The following PCDHA12 variants were observed in gnomAD, a reference collection of about 807,000 sequenced individuals.
PCDHA12 encodes the protein protocadherin alpha-12.
In PCDHA12, 44 loss-of-function variants were observed where a neutral mutation model predicts 60.0. That is an observed-to-expected ratio of 0.73 (90% confidence interval 0.58 to 0.94). PCDHA12 has a LOEUF of 0.94. PCDHA12 is among the 40% of genes least tolerant of loss of function. The pLI is 0.00. For missense variants in PCDHA12, 1,276 were observed against 1,239.7 expected (o/e 1.03, Z -0.44); for synonymous variants, 569 against 553.0 (o/e 1.03, Z -0.40).
chr5:140,883,467 CCTACAAGAA>C (rs1554178369), intron 1 of PCDHA12: 1 of 1,614,170 alleles, frequency 6.2e-7, no homozygotes, highest in East Asian at 2.2e-5. Flanking sequence ...CTGGTGTCCA[CCTACAAGAA>C]CTACTACTCA....
At chr5:141,007,638 T>G (rs1393056593) in intron 3 of PCDHA12, among the ~76,000 whole-genome samples, 7 of 152,128 alleles carry the variant, frequency 4.6e-5, no homozygotes, top group African/African-American at 1.7e-4. Context: ...GCCCTCCCTG[T>G]ATTTGCCTAA....
In PCDHA12 at chr5:141,009,679, C is replaced by T; in HGVS notation, c.2568C>T (p.Asn856=). 1.2e-6 allele frequency: 2 copies of T among 1,614,116 alleles called. No individual in the cohort carries two copies. The highest frequency in any genetic ancestry group is 8.5e-7 in the Non-Finnish European group (1 of 1,180,026). The part of the protein sequence containing the change: ...SPPVGAGVNS[N]SWTFKYGPGN... ...CAGTCGGTGCGGGTGTCAACAGCAA[C>T]AGCTGGACCTTTAAATACGGACCAG... The change falls in exon 4 of 4, where the codon AAC becomes AAT. Residue 856 remains asparagine (N), a synonymous_variant. Coordinates refer to ENST00000398631, the MANE Select transcript of PCDHA12 (RefSeq NM_018903.4).
intron 1 of PCDHA12, among the ~76,000 whole-genome samples, chr5:140,951,626 C>T (rs1182328214): frequency 3.3e-5 from 5 of 152,062 alleles, no homozygotes; most frequent in African/African-American, 4.8e-5. Context: ...AAGGGGGAAA[C>T]CTGCCCCATG....
intron 1 of PCDHA12, among the ~76,000 whole-genome samples, chr5:140,886,582 C>A (rs1304608793): frequency 6.6e-6 from 1 of 151,938 alleles, no homozygotes; most frequent in African/African-American, 2.4e-5. Flanking sequence ...AATCCCAGCA[C>A]TTTGGGAGGC....
intron 1 of PCDHA12, among the ~76,000 whole-genome samples, chr5:140,920,841 T>TA (rs781921146): frequency 0.047 from 5,179 of 109,134 alleles, 120 homozygotes; most frequent in African/African-American, 0.092. Flanking sequence ...AGACCAAATC[T>TA]AAAAAAAAAA....
At chr5:140,938,796 C>T (rs563991147) in intron 1 of PCDHA12, among the ~76,000 whole-genome samples, 4 of 152,138 alleles carry the variant, frequency 2.6e-5, no homozygotes, top group East Asian at 3.9e-4. Context: ...ATGAAATAAT[C>T]GGTACCACAA....
rs527413028 is a variant in PCDHA12, at chr5:140,920,520, G to A, written c.2367+42681G>A. Among the ~76,000 whole-genome samples, 10 of 152,176 alleles carry A rather than the reference G, an allele frequency of 6.6e-5. No homozygotes were observed. In the South Asian group the frequency reaches 1.7e-3, roughly 25 times the overall value. ...TTCTACATACTGTTTTATGCAATTCGTTAGACTCAGGTTTTCTATTTCACC... is the reference window on the plus strand; with the variant it reads ...TTCTACATACTGTTTTATGCAATTCATTAGACTCAGGTTTTCTATTTCACC... On this transcript the variant is annotated intron_variant, in intron 1 of 3. Transcript: ENST00000398631.
intron 1 of PCDHA12, among the ~76,000 whole-genome samples, chr5:140,891,916 G>T (rs1336108155): frequency 6.6e-6 from 1 of 152,170 alleles, no homozygotes; most frequent in Non-Finnish European, 1.5e-5. Context: ...ACCAGATGCT[G>T]GTGCCTTGAT....
chr5:141,002,442 A>G (rs1177854570), intron 3 of PCDHA12, among the ~76,000 whole-genome samples: 3 of 152,218 alleles, frequency 2.0e-5, no homozygotes, highest in Non-Finnish European at 4.4e-5. Context: ...AACCATAATA[A>G]TTGGCACATT....
intron 1 of PCDHA12, among the ~76,000 whole-genome samples, chr5:140,940,004 A>AT (rs1326829458): frequency 2.6e-5 from 4 of 152,120 alleles, no homozygotes; most frequent in Admixed American, 1.3e-4. Context: ...GATTTTGTCA[A>AT]TTTTTTGTGT....
At chr5:140,884,758 C>T in intron 1 of PCDHA12, 2 of 1,424,736 alleles carry the variant, frequency 1.4e-6, no homozygotes, top group Middle Eastern at 4.1e-4. Flanking sequence ...TCAAATTATT[C>T]TTTACTTTAA....
In PCDHA12 at chr5:141,010,551, C is replaced by T. The variant is rs2098417607; in HGVS notation, c.*614C>T. ...AGCCACCCTCTAGGAGACAAAACTA[C>T]CCCCACTGACAAGGCTTTAGGAGAC... On this transcript the variant is annotated 3_prime_UTR_variant, in exon 4 of 4. Coordinates refer to ENST00000398631, the MANE Select transcript of PCDHA12 (RefSeq NM_018903.4). The T allele has an allele frequency of 9.3e-6, 3 of 323,786 alleles. No homozygotes were observed. Among genetic ancestry groups the T allele is most frequent in the African/African-American group, 2.1e-5 (1 of 47,406 alleles). The allele number at this position is 323,786 out of a possible 1,614,324, so 20.1% of individuals were successfully genotyped here.
chr5:141,006,126 G>T (rs1554260581), intron 3 of PCDHA12, among the ~76,000 whole-genome samples: 1 of 151,330 alleles, frequency 6.6e-6, no homozygotes. Flanking sequence ...TTTTCTCAAG[G>T]CAGTAGAAAG....
At chr5:140,936,628 T>C (rs1208761817) in intron 1 of PCDHA12, among the ~76,000 whole-genome samples, 5 of 152,258 alleles carry the variant, frequency 3.3e-5, no homozygotes, top group Non-Finnish European at 7.3e-5. Flanking sequence ...GTGCTACCTT[T>C]GTCATAAGCA....
At chr5:140,907,847 C>T (rs1332235262) in intron 1 of PCDHA12, among the ~76,000 whole-genome samples, 15 of 152,232 alleles carry the variant, frequency 9.9e-5, no homozygotes, top group African/African-American at 3.6e-4. Flanking sequence ...TAAAATCCTC[C>T]TCTGCTGAGG....
Position 141,010,119 on chromosome 5 carries a change from A to G in PCDHA12, c.*182A>G. 6.2e-7 allele frequency: 1 copy of G among 1,608,062 alleles called. No homozygotes were observed. On this transcript the variant is annotated 3_prime_UTR_variant, in exon 4 of 4. Transcript: ENST00000398631. ...TAACAGGTTTTGTCGTAAAAGCTTT[A>G]CTAAGTCTGGTGTTAACTCTTTCTC...
rs1554263662 is a variant in PCDHA12 at position 141,011,810 on chromosome 5, G to A, written c.*1873G>A. The A allele has an allele frequency of 6.5e-6, 1 of 153,716 alleles. No individual in the cohort carries two copies. The highest frequency in any genetic ancestry group is 1.9e-4 in the East Asian group (1 of 5,198). 9.5% of individuals were successfully genotyped at this position (153,716 alleles called of 1,614,324 possible). ...ATGGTATCTGAAATATCAGCTCATA[G>A]AAAGTAACAAAATTTGCTGTCACCT... On this transcript the variant is annotated 3_prime_UTR_variant, in exon 4 of 4. Coordinates refer to ENST00000398631, the MANE Select transcript of PCDHA12 (RefSeq NM_018903.4).
Position 141,010,405 on chromosome 5 carries a change from C to G in PCDHA12, c.*468C>G. On this transcript the variant is annotated 3_prime_UTR_variant, in exon 4 of 4. Transcript: ENST00000398631. ...ATTGGCTGAGACGAGCCAGCTTAGA[C>G]TAATTGGTACAAGGAAGGCAAGAAA... 1 of 1,260,098 alleles carries G rather than the reference C, an allele frequency of 7.9e-7. No homozygotes were observed. Among genetic ancestry groups the G allele is most frequent in the South Asian group, 1.6e-5 (1 of 64,208 alleles). 78.1% of individuals were successfully genotyped at this position (1,260,098 alleles called of 1,614,324 possible). A position where few individuals can be genotyped will look rare whatever the true frequency, so the allele number is the denominator to read the frequency against.
At chr5:140,995,082 C>G (rs145784301) in intron 3 of PCDHA12, among the ~76,000 whole-genome samples, 5 of 152,334 alleles carry the variant, frequency 3.3e-5, no homozygotes, top group Admixed American at 3.3e-4. Context: ...GCAATCCAAA[C>G]TTATCTGTGG....
Sources: allele counts gnomAD v4.1 joint callset (sites outside exome capture counted in the v4.1 genomes callset), GRCh38; gene constraint gnomAD v4.1.1; transcripts MANE v1.5; gene names NCBI Gene and HGNC (gene_info 2026-07-23, HGNC 2026-07-21).